SYNDIG1: variants seen among roughly 807,000 people sequenced by gnomAD.
SYNDIG1 encodes synapse differentiation inducing 1.
SYNDIG1 carries 9 observed loss-of-function variants against 19.4 expected under a neutral mutation model. The ratio of observed to expected loss-of-function variants is 0.46; its 90% CI spans 0.28 to 0.81. SYNDIG1 has a LOEUF of 0.81. Among genes scored for constraint, SYNDIG1 ranks in the 30% least tolerant of loss-of-function variants. SYNDIG1 has a pLI of 0.12. For synonymous variants in SYNDIG1, 141 were observed against 145.9 expected (o/e 0.97, Z 0.24); for missense variants, 311 against 343.3 (o/e 0.91, Z 0.74).
intron 3 of SYNDIG1, among the ~76,000 whole-genome samples, chr20:24,615,105 G>A (rs1190074159): frequency 6.6e-6 from 1 of 152,192 alleles, no homozygotes; most frequent in Non-Finnish European, 1.5e-5. Context: ...AAGGACATTA[G>A]TATCTTAAGT....
intron 2 of SYNDIG1, among the ~76,000 whole-genome samples, chr20:24,547,021 CCCTCATTGCCCTTGTTCAGAGGGGGCCA>C (rs999183890): frequency 6.6e-6 from 1 of 152,080 alleles, no homozygotes; most frequent in Non-Finnish European, 1.5e-5. Context: ...GAATGGGGCC[CCCTCATTGCCCTTGTTCAGAGGGGGCCA>C]CCTCATTGCC....
At chr20:24,601,857 C>T (rs991507920) in intron 3 of SYNDIG1, among the ~76,000 whole-genome samples, 2 of 152,028 alleles carry the variant, frequency 1.3e-5, no homozygotes, top group African/African-American at 4.8e-5. Context: ...TAAACACTCT[C>T]TGTTTTATGT....
chr20:24,536,044 G>A (rs2057355364), intron 1 of SYNDIG1, among the ~76,000 whole-genome samples: 1 of 152,204 alleles, frequency 6.6e-6, no homozygotes, highest in African/African-American at 2.4e-5. Flanking sequence ...AGTGCTAATG[G>A]AACAGATGAA....
intron 3 of SYNDIG1, among the ~76,000 whole-genome samples, chr20:24,665,128 C>T (rs1471628739): frequency 6.6e-6 from 1 of 152,134 alleles, no homozygotes; most frequent in Non-Finnish European, 1.5e-5. Flanking sequence ...TCTGTCTTCC[C>T]TGCGGTGTGG....
At chr20:24,494,018 T>A (rs1427794764) in intron 1 of SYNDIG1, among the ~76,000 whole-genome samples, 2 of 152,226 alleles carry the variant, frequency 1.3e-5, no homozygotes, top group East Asian at 3.9e-4. Flanking sequence ...TCCCTGGCTC[T>A]GGCAGCTCGG....
In SYNDIG1 at chr20:24,538,185, T is replaced by C. The variant is rs192744978; in HGVS notation, c.-78-4835T>C. 1.2e-4 allele frequency among the ~76,000 whole-genome samples: 18 copies of C among 152,330 alleles called. 1 individual carries two copies. Among genetic ancestry groups the C allele is most frequent in the African/African-American group, 4.1e-4 (17 of 41,570 alleles). On this transcript the variant is annotated intron_variant, in intron 1 of 3. Transcript: ENST00000376862. ...GGTGGTATTAAGTACACTTATAATGTGTAACCATCACCACCATCTATCTAC... is the reference window on the plus strand; with the variant it reads ...GGTGGTATTAAGTACACTTATAATGCGTAACCATCACCACCATCTATCTAC...
At chr20:24,495,971 A>T (rs914646891) in intron 1 of SYNDIG1, among the ~76,000 whole-genome samples, 1 of 151,956 alleles carries the variant, frequency 6.6e-6, no homozygotes, top group African/African-American at 2.4e-5. Flanking sequence ...CAGCCTCCCG[A>T]GTAGCTGGGA....
chr20:24,603,331 C>G (rs185505526), intron 3 of SYNDIG1, among the ~76,000 whole-genome samples: 1 of 152,224 alleles, frequency 6.6e-6, no homozygotes, highest in African/African-American at 2.4e-5. Flanking sequence ...ACAAGTGTCC[C>G]CAACCCATGG....
At chr20:24,503,088 C>T (rs1490744621) in intron 1 of SYNDIG1, among the ~76,000 whole-genome samples, 2 of 152,168 alleles carry the variant, frequency 1.3e-5, no homozygotes, top group South Asian at 2.1e-4. Context: ...GTCTCAGAAG[C>T]TTTGTGGTCT....
chr20:24,596,037 C>T (rs563899928), intron 3 of SYNDIG1, among the ~76,000 whole-genome samples: 2 of 152,054 alleles, frequency 1.3e-5, no homozygotes, highest in Non-Finnish European at 1.5e-5. Flanking sequence ...AGTTCTTCTA[C>T]GTGTAATGTT....
At chr20:24,605,555 G>A (rs1377308154) in intron 3 of SYNDIG1, among the ~76,000 whole-genome samples, 2 of 152,172 alleles carry the variant, frequency 1.3e-5, no homozygotes, top group African/African-American at 4.8e-5. Context: ...ATCTGGTGCA[G>A]CCAAGACAAA....
chr20:24,659,332 G>C (rs1172753190), intron 3 of SYNDIG1, among the ~76,000 whole-genome samples: 1 of 152,224 alleles, frequency 6.6e-6, no homozygotes, highest in Non-Finnish European at 1.5e-5. Flanking sequence ...AATGTTTCTG[G>C]AGAGCATGAG....
intron 1 of SYNDIG1, among the ~76,000 whole-genome samples, chr20:24,524,044 C>T (rs1388822855): frequency 6.6e-6 from 1 of 152,224 alleles, no homozygotes; most frequent in East Asian, 1.9e-4. Context: ...CTGCTGTGAG[C>T]TACATCTTCT....
At chr20:24,530,265 T>C (rs2057229130) in intron 1 of SYNDIG1, among the ~76,000 whole-genome samples, 2 of 152,114 alleles carry the variant, frequency 1.3e-5, no homozygotes, top group Admixed American at 1.3e-4. Flanking sequence ...AGATTTGGAG[T>C]TCCTGTGGAT....
chr20:24,595,452 G>A (rs2058580498), intron 3 of SYNDIG1, among the ~76,000 whole-genome samples: 1 of 152,096 alleles, frequency 6.6e-6, no homozygotes, highest in East Asian at 1.9e-4. Flanking sequence ...TTGGCCTGAA[G>A]TTTTCTTTTT....
chr20:24,578,515 A>G (rs1184002993), intron 2 of SYNDIG1, among the ~76,000 whole-genome samples: 5 of 151,986 alleles, frequency 3.3e-5, no homozygotes. Flanking sequence ...ACAAATCGGT[A>G]TCACGTGAAT....
At chr20:24,513,496 G>A (rs908778418) in intron 1 of SYNDIG1, among the ~76,000 whole-genome samples, 12 of 152,208 alleles carry the variant, frequency 7.9e-5, no homozygotes, top group Admixed American at 6.5e-5. Context: ...TTCAGTAGCC[G>A]ATTCGATCAA....
chr20:24,603,559 G>A (rs1245079565), intron 3 of SYNDIG1, among the ~76,000 whole-genome samples: 2 of 152,190 alleles, frequency 1.3e-5, no homozygotes, highest in Non-Finnish European at 2.9e-5. Context: ...GACTTCAGCT[G>A]TATGCAGCAG....
intron 3 of SYNDIG1, 41 bp downstream of exon 3, chr20:24,585,034 T>A: frequency 2.8e-6 from 2 of 716,670 alleles, no homozygotes; most frequent in South Asian, 1.9e-5. Context: ...GTGCAGGTGT[T>A]CACAGGGTGG....
Sources: allele counts gnomAD v4.1 joint callset (sites outside exome capture counted in the v4.1 genomes callset), GRCh38; gene constraint gnomAD v4.1.1; transcripts MANE v1.5; gene names NCBI Gene and HGNC (gene_info 2026-07-23, HGNC 2026-07-21).